Variants in TMEM132D observed in about 807,000 individuals in gnomAD.
TMEM132D encodes mature OL transmembrane protein.
A neutral mutation model predicts 62.3 loss-of-function variants in TMEM132D; 21 were observed. The observed-to-expected ratio is 0.34, with a 90% CI of 0.24 to 0.49. The LOEUF is 0.49. Ranked by LOEUF, TMEM132D falls within the 20% of genes least tolerant of loss-of-function variation. The pLI is 0.99. For synonymous variants in TMEM132D, 621 were observed against 575.6 expected (o/e 1.08, Z -1.13); for missense variants, 1,346 against 1,402.8 (o/e 0.96, Z 0.65).
intron 5 of TMEM132D, among the ~76,000 whole-genome samples, chr12:129,095,344 T>TG (rs1875074761): frequency 8.4e-6 from 1 of 119,196 alleles, no homozygotes; most frequent in South Asian, 3.2e-4. Context: ...ATATGCCTGC[T>TG]GGTTTTTTTT....
At chr12:129,397,305 G>C (rs918328337) in intron 3 of TMEM132D, among the ~76,000 whole-genome samples, 3 of 152,142 alleles carry the variant, frequency 2.0e-5, no homozygotes, top group Admixed American at 6.6e-5. Flanking sequence ...GGGAGACTGA[G>C]TTTGCCATAC....
chr12:129,806,620 C>T (rs1337386697), intron 1 of TMEM132D, among the ~76,000 whole-genome samples: 22 of 150,680 alleles, frequency 1.5e-4, no homozygotes, highest in Admixed American at 1.5e-3. Context: ...GTGCAGCACA[C>T]CAGCATGGCA....
intron 1 of TMEM132D, among the ~76,000 whole-genome samples, chr12:129,841,019 G>A (rs1482620756): frequency 6.6e-6 from 1 of 152,200 alleles, no homozygotes; most frequent in African/African-American, 2.4e-5. Context: ...CTCTGGCAGA[G>A]TATAGATTAA....
intron 4 of TMEM132D, among the ~76,000 whole-genome samples, chr12:129,316,724 G>C (rs1206239087): frequency 6.6e-6 from 1 of 152,130 alleles, no homozygotes; most frequent in African/African-American, 2.4e-5. Flanking sequence ...TTGATGATCT[G>C]TCTAGTGCTG....
At chr12:129,825,266 C>T (rs1310642460) in intron 1 of TMEM132D, among the ~76,000 whole-genome samples, 1 of 151,904 alleles carries the variant, frequency 6.6e-6, no homozygotes, top group African/African-American at 2.4e-5. Flanking sequence ...CATCTGCCCG[C>T]CTTGGCCCCC....
At chr12:129,269,526 A>G (rs553272336) in intron 4 of TMEM132D, among the ~76,000 whole-genome samples, 17 of 152,266 alleles carry the variant, frequency 1.1e-4, no homozygotes, top group African/African-American at 4.1e-4. Flanking sequence ...TAGACGCTCA[A>G]TAAGTCTTGG....
intron 3 of TMEM132D, among the ~76,000 whole-genome samples, chr12:129,450,427 A>C (rs1011198416): frequency 1.8e-4 from 28 of 152,324 alleles, no homozygotes; most frequent in African/African-American, 6.3e-4. Context: ...CTATGTAACA[A>C]ACCTGTACTT....
At chr12:129,166,955 C>T (rs112704351) in intron 5 of TMEM132D, among the ~76,000 whole-genome samples, 6,132 of 151,876 alleles carry the variant, frequency 0.04, 237 homozygotes, top group East Asian at 0.13. Context: ...CTTGAGGTCA[C>T]GAGTTCGAGA....
chr12:129,288,035 C>A (rs1162699822), intron 4 of TMEM132D, among the ~76,000 whole-genome samples: 1 of 152,194 alleles, frequency 6.6e-6, no homozygotes, highest in African/African-American at 2.4e-5. Context: ...TTGGTGTCCT[C>A]TGTGGTTCCA....
intron 1 of TMEM132D, among the ~76,000 whole-genome samples, chr12:129,878,930 A>G (rs779147308): frequency 1.3e-5 from 2 of 152,082 alleles, no homozygotes; most frequent in Non-Finnish European, 2.9e-5. Context: ...GACCCTGGAA[A>G]CACCATCTCC....
intron 5 of TMEM132D, among the ~76,000 whole-genome samples, chr12:129,132,937 G>A (rs199669614): frequency 1.4e-4 from 21 of 152,274 alleles, no homozygotes; most frequent in African/African-American, 4.8e-4. Flanking sequence ...TTGCCGTCAC[G>A]TTGGATTTGA....
intron 1 of TMEM132D, among the ~76,000 whole-genome samples, chr12:129,823,138 C>G (rs1245223535): frequency 6.6e-6 from 1 of 152,196 alleles, no homozygotes; most frequent in Non-Finnish European, 1.5e-5. Context: ...TGTGCCTACT[C>G]CTCCTTTTCC....
At chr12:129,092,525 C>A (rs942257349) in intron 5 of TMEM132D, among the ~76,000 whole-genome samples, 1 of 151,988 alleles carries the variant, frequency 6.6e-6, no homozygotes, top group African/African-American at 2.4e-5. Context: ...TGAAACCTGT[C>A]TCTATTAAAA....
chr12:129,769,176 C>G (rs1053042656), intron 1 of TMEM132D, among the ~76,000 whole-genome samples: 1 of 152,068 alleles, frequency 6.6e-6, no homozygotes, highest in South Asian at 2.1e-4. Context: ...CCCTAGGTCC[C>G]GGTATTAGTC....
intron 1 of TMEM132D, among the ~76,000 whole-genome samples, chr12:129,706,757 C>T (rs1303256412): frequency 6.6e-6 from 1 of 151,736 alleles, no homozygotes; most frequent in African/African-American, 2.4e-5. Context: ...AATGATATTC[C>T]ATGATCATAT....
intron 1 of TMEM132D, among the ~76,000 whole-genome samples, chr12:129,781,518 A>C (rs2137291227): frequency 6.6e-6 from 1 of 152,324 alleles, no homozygotes; most frequent in South Asian, 2.1e-4. Context: ...CATAAGACAC[A>C]GGTTTACTGT....
chr12:129,846,387 AT>A (rs1427428873), intron 1 of TMEM132D, among the ~76,000 whole-genome samples: 4 of 152,164 alleles, frequency 2.6e-5, no homozygotes, highest in African/African-American at 9.7e-5. Context: ...TTTAGTCTTC[AT>A]TTTTAAAGAA....
chr12:129,845,171 T>G (rs991186615), intron 1 of TMEM132D, among the ~76,000 whole-genome samples: 2 of 152,230 alleles, frequency 1.3e-5, no homozygotes, highest in African/African-American at 4.8e-5. Context: ...AATTAATATG[T>G]ATGGATACAT....
chr12:129,825,832 G>A lies in TMEM132D; in HGVS notation c.79+77429C>T, dbSNP rs263295. Among the ~76,000 whole-genome samples, 1,046 of 152,290 alleles carry A rather than the reference G, an allele frequency of 6.9e-3. 18 individuals carry two copies. Among genetic ancestry groups the A allele is most frequent in the African/African-American group, 0.024 (983 of 41,564 alleles). ...TGATTCCAGCACTTTGGGAGGATGA[G>A]GCAGGAGGATCACTTGAGCCCAGGA... On this transcript the variant is annotated intron_variant, in intron 1 of 8. Transcript: ENST00000422113.
Sources: gnomAD v4.1 joint callset for allele counts (sites outside exome capture counted in the v4.1 genomes callset) on GRCh38, gnomAD v4.1.1 for gene constraint, MANE v1.5 for transcripts, NCBI Gene and HGNC (gene_info 2026-07-23, HGNC 2026-07-21) for gene names.